GRIA4: variants seen among roughly 807,000 people sequenced by gnomAD.
GRIA4 encodes glutamate ionotropic receptor AMPA type subunit 4.
Under a neutral mutation model 104.0 loss-of-function variants are expected in GRIA4, and 34 were observed. That is an observed-to-expected ratio of 0.33 (90% confidence interval 0.25 to 0.44). GRIA4 has a LOEUF of 0.44. Ranked by LOEUF, GRIA4 falls within the 20% of genes least tolerant of loss-of-function variation. The pLI is 1.00. For synonymous variants in GRIA4, 386 were observed against 381.9 expected, an observed-to-expected ratio of 1.01 and a Z score of -0.13; for missense variants, 750 against 1,096.5, an observed-to-expected ratio of 0.68 and a Z score of 4.46.
intron 3 of GRIA4, among the ~76,000 whole-genome samples, chr11:105,621,042 A>T (rs1269402130): frequency 1.3e-5 from 2 of 151,794 alleles, no homozygotes; most frequent in Non-Finnish European, 3.0e-5. Context: ...TGATATTGTC[A>T]ATAAAAAGTT....
At chr11:105,789,621 T>C (rs532680243) in intron 4 of GRIA4, among the ~76,000 whole-genome samples, 1 of 152,290 alleles carries the variant, frequency 6.6e-6, no homozygotes, top group African/African-American at 2.4e-5. Flanking sequence ...TCTACCTCTT[T>C]AGGCATCAGT....
intron 4 of GRIA4, among the ~76,000 whole-genome samples, chr11:105,841,708 G>A (rs1337764557): frequency 1.3e-5 from 2 of 152,102 alleles, no homozygotes; most frequent in Non-Finnish European, 2.9e-5. Flanking sequence ...GTCCAGATGG[G>A]TGCCTCCATT....
intron 4 of GRIA4, among the ~76,000 whole-genome samples, chr11:105,816,385 T>C (rs1943375962): frequency 6.6e-6 from 1 of 152,086 alleles, no homozygotes; most frequent in Non-Finnish European, 1.5e-5. Flanking sequence ...TTGATCCTGT[T>C]CTCATGATAG....
intron 3 of GRIA4, among the ~76,000 whole-genome samples, chr11:105,624,158 G>A (rs1346326028): frequency 6.6e-6 from 1 of 151,992 alleles, no homozygotes; most frequent in Non-Finnish European, 1.5e-5. Flanking sequence ...TATGAGCTGA[G>A]TATAAAGAAA....
intron 5 of GRIA4, among the ~76,000 whole-genome samples, chr11:105,879,352 C>T (rs1179306571): frequency 6.6e-6 from 1 of 152,096 alleles, no homozygotes; most frequent in Non-Finnish European, 1.5e-5. Context: ...TTGCCCAGGT[C>T]CCCGGTAGTT....
chr11:105,705,878 C>T (rs1565479411), intron 3 of GRIA4, among the ~76,000 whole-genome samples: 1 of 152,146 alleles, frequency 6.6e-6, no homozygotes. Context: ...ATTTACCTTT[C>T]TATCTAGCAA....
intron 3 of GRIA4, among the ~76,000 whole-genome samples, chr11:105,709,698 G>A (rs993115859): frequency 1.3e-5 from 2 of 152,056 alleles, no homozygotes; most frequent in Admixed American, 6.6e-5. Context: ...AGGAGGAGGA[G>A]GTGGGAGGCA....
chr11:105,791,514 C>A (rs760482087), intron 4 of GRIA4, among the ~76,000 whole-genome samples: 2 of 152,130 alleles, frequency 1.3e-5, no homozygotes, highest in Non-Finnish European at 2.9e-5. Flanking sequence ...GAAGATTACT[C>A]CCATTTCAGT....
At chr11:105,855,111 T>A (rs1287407670) in intron 4 of GRIA4, among the ~76,000 whole-genome samples, 1 of 152,200 alleles carries the variant, frequency 6.6e-6, no homozygotes, top group African/African-American at 2.4e-5. Context: ...TGCCTTTGCT[T>A]TATGATGCAG....
In GRIA4 at chr11:105,714,724, G is replaced by A. The variant is rs147864777; in HGVS notation, c.248-38257G>A. Among the ~76,000 whole-genome samples, 44 of 152,186 alleles carry A rather than the reference G, an allele frequency of 2.9e-4. 1 individual carries two copies. The highest frequency in any genetic ancestry group is 8.9e-4 in the African/African-American group (37 of 41,554). ...AATTATGATGACAACATCTGTTTTAGAAATGTAAATTAATTATACTGAACA... is the reference window on the plus strand; with the variant it reads ...AATTATGATGACAACATCTGTTTTAAAAATGTAAATTAATTATACTGAACA... On this transcript the variant is annotated intron_variant, in intron 3 of 16. Transcript: ENST00000282499.
At chr11:105,805,264 T>C (rs1212798365) in intron 4 of GRIA4, among the ~76,000 whole-genome samples, 1 of 151,624 alleles carries the variant, frequency 6.6e-6, no homozygotes, top group Non-Finnish European at 1.5e-5. Context: ...AGCTAATTAA[T>C]GTGACTCATC....
chr11:105,946,992 T>C (rs1948331394), intron 14 of GRIA4, among the ~76,000 whole-genome samples: 1 of 152,166 alleles, frequency 6.6e-6, no homozygotes, highest in Admixed American at 6.5e-5. Context: ...TGAAAGAAAA[T>C]CCTTTCCAAA....
chr11:105,772,829 A>T (rs1471766176), intron 4 of GRIA4, among the ~76,000 whole-genome samples: 1 of 152,136 alleles, frequency 6.6e-6, no homozygotes. Context: ...ATAAAAAATT[A>T]TGAAAATGTG....
At chr11:105,762,308 G>A (rs1232608442) in intron 4 of GRIA4, among the ~76,000 whole-genome samples, 2 of 152,326 alleles carry the variant, frequency 1.3e-5, no homozygotes, top group South Asian at 2.1e-4. Context: ...ACAGGCATGA[G>A]CCACCACACC....
intron 4 of GRIA4, among the ~76,000 whole-genome samples, chr11:105,829,805 A>G (rs1943907461): frequency 6.6e-6 from 1 of 151,918 alleles, no homozygotes; most frequent in East Asian, 1.9e-4. Flanking sequence ...TCCATATATA[A>G]GTTTAAAATT....
intron 5 of GRIA4, among the ~76,000 whole-genome samples, chr11:105,885,210 G>A (rs1388817853): frequency 6.6e-6 from 1 of 152,126 alleles, no homozygotes; most frequent in Non-Finnish European, 1.5e-5. Context: ...CTAGACTGGA[G>A]ATTCCCAGAA....
chr11:105,956,166 G>GTTTT (rs1555056943), intron 14 of GRIA4, among the ~76,000 whole-genome samples: 2 of 152,040 alleles, frequency 1.3e-5, no homozygotes, highest in Non-Finnish European at 2.9e-5. Flanking sequence ...ACAATATGCA[G>GTTTT]GTTACATATG....
At chr11:105,683,225 T>C (rs1952766323) in intron 3 of GRIA4, among the ~76,000 whole-genome samples, 1 of 152,038 alleles carries the variant, frequency 6.6e-6, no homozygotes, top group Non-Finnish European at 1.5e-5. Context: ...ATACTTTAAA[T>C]TTATATAGCA....
chr11:105,948,589 C>CTTTTTTTTTTTTTTTTTTTT (rs1383366276), intron 14 of GRIA4, among the ~76,000 whole-genome samples: 2 of 111,210 alleles, frequency 1.8e-5, no homozygotes, highest in African/African-American at 6.7e-5. Context: ...CTTTTCTTTT[C>CTTTTTTTTTTTTTTTTTTTT]TTTTTGTTTT....
Sources: gnomAD v4.1 joint callset for allele counts (sites outside exome capture counted in the v4.1 genomes callset) on GRCh38, gnomAD v4.1.1 for gene constraint, MANE v1.5 for transcripts, NCBI Gene and HGNC (gene_info 2026-07-23, HGNC 2026-07-21) for gene names.